SLC25A42: variants seen among roughly 807,000 people sequenced by gnomAD.
SLC25A42 encodes the protein mitochondrial coenzyme A transporter SLC25A42.
In SLC25A42, 19 loss-of-function variants were observed where a neutral mutation model predicts 34.7. The ratio of observed to expected loss-of-function variants is 0.55; its 90% confidence interval spans 0.38 to 0.80. SLC25A42 has a LOEUF of 0.80. SLC25A42 is among the 30% of genes least tolerant of loss of function. The pLI is 0.00. For missense variants in SLC25A42, 364 were observed against 441.3 expected (o/e 0.82, Z 1.57); for synonymous variants, 205 against 191.2 (o/e 1.07, Z -0.59).
intron 4 of SLC25A42, 72 bp from the exon 5 acceptor site, chr19:19,105,489 C>A: frequency 6.4e-7 from 1 of 1,554,374 alleles, no homozygotes; most frequent in Non-Finnish European, 8.7e-7. Flanking sequence ...TTTGGGCGCT[C>A]TGCTGGTCAC....
At chr19:19,093,386 C>T (rs111254354) in intron 1 of SLC25A42, among the ~76,000 whole-genome samples, 11 of 152,326 alleles carry the variant, frequency 7.2e-5, no homozygotes, top group African/African-American at 1.9e-4. Context: ...ACACATCTAG[C>T]GTCCCTTACG....
intron 1 of SLC25A42, among the ~76,000 whole-genome samples, chr19:19,093,207 G>C (rs552877570): frequency 6.6e-6 from 1 of 151,936 alleles, no homozygotes; most frequent in Admixed American, 6.6e-5. Context: ...CTAGAGACGG[G>C]GTCTCACTAT....
chr19:19,077,517 G>A (rs560687311), intron 1 of SLC25A42, among the ~76,000 whole-genome samples: 46 of 152,290 alleles, frequency 3.0e-4, no homozygotes, highest in African/African-American at 8.7e-4. Flanking sequence ...GGGTCCATCC[G>A]TGTGGCAGCA....
chr19:19,107,315 C>CTAA (rs2059836492), intron 6 of SLC25A42, among the ~76,000 whole-genome samples: 1 of 12,938 alleles, frequency 7.7e-5, no homozygotes, highest in African/African-American at 3.1e-4. Context: ...GACCCTGTCT[C>CTAA]CAAAAAAAAA....
In SLC25A42 at chr19:19,110,564, T is replaced by C; in HGVS notation, c.650-5T>C. On this transcript the variant is annotated splice_polypyrimidine_tract_variant and splice_region_variant and intron_variant, in intron 7 of 7. Coordinates refer to ENST00000318596, the MANE Select transcript of SLC25A42 (RefSeq NM_178526.5). The stretch of plus-strand genomic sequence containing the variant: ...TTCACGGCCCTCCCGCCCCTCGCCC[T>C]GCAGAGTACAGCGGCCGCCGGCAGC... 7.1e-7 allele frequency: 1 copy of C among 1,407,902 alleles called. No homozygotes were observed. Among genetic ancestry groups the C allele is most frequent in the African/African-American group, 1.5e-5 (1 of 65,704 alleles). 87.2% of individuals were successfully genotyped at this position (1,407,902 alleles called of 1,614,324 possible).
At chr19:19,096,610 C>T (rs2059767055) in intron 2 of SLC25A42, among the ~76,000 whole-genome samples, 1 of 152,010 alleles carries the variant, frequency 6.6e-6, no homozygotes, top group Non-Finnish European at 1.5e-5. Context: ...TGTCTTGGAG[C>T]CCCCTTTTCT....
At chr19:19,099,343 G>A (rs565780209) in intron 2 of SLC25A42, among the ~76,000 whole-genome samples, 1 of 152,280 alleles carries the variant, frequency 6.6e-6, no homozygotes, top group African/African-American at 2.4e-5. Flanking sequence ...GGGACCCTGG[G>A]AGCACTGAGG....
intron 1 of SLC25A42, chr19:19,095,885 CTGTT>C (rs1381445158): frequency 1.6e-5 from 10 of 620,512 alleles, no homozygotes; most frequent in East Asian, 2.9e-5. Flanking sequence ...AAAGAACAGA[CTGTT>C]TGTGAGGATT....
At chr19:19,075,438 GC>G (rs951542731) in intron 1 of SLC25A42, among the ~76,000 whole-genome samples, 23 of 152,214 alleles carry the variant, frequency 1.5e-4, no homozygotes, top group African/African-American at 5.3e-4. Context: ...TTTGGGGCTG[GC>G]CCCCCTCTGC....
intron 1 of SLC25A42, among the ~76,000 whole-genome samples, chr19:19,085,190 C>T (rs2059701155): frequency 6.6e-6 from 1 of 152,062 alleles, no homozygotes. Context: ...TGCCCCCAGT[C>T]ATTAGCGGCA....
chr19:19,068,076 C>T (rs2059611292), intron 1 of SLC25A42, among the ~76,000 whole-genome samples: 1 of 152,138 alleles, frequency 6.6e-6, no homozygotes, highest in Non-Finnish European at 1.5e-5. Context: ...AGTATATTGG[C>T]CGGGCACAGT....
At chr19:19,080,202 AG>A (rs1251254131) in intron 1 of SLC25A42, among the ~76,000 whole-genome samples, 1 of 152,132 alleles carries the variant, frequency 6.6e-6, no homozygotes, top group Non-Finnish European at 1.5e-5. Flanking sequence ...CACTTGCCTG[AG>A]GGTGCTCATC....
chr19:19,100,880 C>G (rs2059792851), intron 2 of SLC25A42, among the ~76,000 whole-genome samples: 1 of 152,200 alleles, frequency 6.6e-6, no homozygotes, highest in Non-Finnish European at 1.5e-5. Context: ...TACATTCAGA[C>G]AGCAAAGCAT....
In SLC25A42 at chr19:19,107,952, C is replaced by T; in HGVS notation, c.556C>T (p.Leu186Phe). The change falls in exon 7 of 8, where the codon CTC becomes TTC. Residue 186 changes from leucine (L) to phenylalanine (F), a missense_variant. Transcript: ENST00000318596. ...RISREEGLKT[L>F]YHGFMPTVLG... is the part of the protein sequence containing the mutation. ...CTCGAGAGAAGAGGGGCTGAAGACT[C>T]TCTACCATGGATTTATGCCCACCGT... The T allele has an allele frequency of 6.2e-7, 1 of 1,614,052 alleles. No homozygotes were observed.
In SLC25A42 at chr19:19,109,853, G is replaced by C. The variant is rs1210833713; in HGVS notation, c.650-716G>C. On this transcript the variant is annotated intron_variant, in intron 7 of 7. Coordinates refer to ENST00000318596, the MANE Select transcript of SLC25A42 (RefSeq NM_178526.5). The surrounding 1 kb of genome is among the most constrained non-coding windows in gnomAD (Gnocchi z 4.1). ...ACACCCCGTTTAGACCCGCAAGACA[G>C]AGCAGGGTGAAGTTCATGGTCACTT... is the stretch of plus-strand genomic sequence containing the variant. 1.3e-5 allele frequency among the ~76,000 whole-genome samples: 2 copies of C among 152,198 alleles called. No individual in the cohort carries two copies. The highest frequency in any genetic ancestry group is 2.9e-5 in the Non-Finnish European group (2 of 68,044).
At chr19:19,066,383 A>G (rs1345201440) in intron 1 of SLC25A42, among the ~76,000 whole-genome samples, 2 of 151,998 alleles carry the variant, frequency 1.3e-5, no homozygotes, top group East Asian at 3.9e-4. Flanking sequence ...CATTGAGCAG[A>G]CATATGCATT....
intron 1 of SLC25A42, among the ~76,000 whole-genome samples, chr19:19,075,701 T>G (rs2059652379): frequency 6.6e-6 from 1 of 152,190 alleles, no homozygotes; most frequent in Non-Finnish European, 1.5e-5. Context: ...CTGACTGAAC[T>G]GGAAAGGGTG....
chr19:19,068,257 A>C (rs1301657768), intron 1 of SLC25A42, among the ~76,000 whole-genome samples: 1 of 151,712 alleles, frequency 6.6e-6, no homozygotes, highest in Admixed American at 6.6e-5. Context: ...CAGGAAGCTG[A>C]GGCAGGAGAA....
chr19:19,099,768 C>T (rs1335713023), intron 2 of SLC25A42, among the ~76,000 whole-genome samples: 1 of 151,956 alleles, frequency 6.6e-6, no homozygotes, highest in Non-Finnish European at 1.5e-5. Flanking sequence ...CACTCTGTCA[C>T]CCTGTCTGGA....
Sources: allele counts gnomAD v4.1 joint callset (sites outside exome capture counted in the v4.1 genomes callset), GRCh38; gene constraint gnomAD v4.1.1; non-coding constraint Gnocchi (gnomAD v3.1); transcripts MANE v1.5; gene names NCBI Gene and HGNC (gene_info 2026-07-23, HGNC 2026-07-21).